DCAF12: variants seen among roughly 807,000 people sequenced by gnomAD.
DCAF12 encodes the protein DDB1 and CUL4 associated factor 12.
A neutral mutation model predicts 52.8 loss-of-function variants in DCAF12; 28 were observed. That is an observed-to-expected ratio of 0.53 (90% CI 0.39 to 0.73). The LOEUF (loss-of-function observed/expected upper bound fraction) is 0.73, where lower values mean the gene tolerates loss of function less well. DCAF12 is among the 30% of genes least tolerant of loss of function. The pLI is 0.00. For synonymous variants in DCAF12, 196 were observed against 215.5 expected (o/e 0.91, Z 0.79); for missense variants, 425 against 552.2 (o/e 0.77, Z 2.31).
chr9:34,097,256 C>CTTTTTTT (rs999860045), intron 5 of DCAF12, among the ~76,000 whole-genome samples: 2 of 94,854 alleles, frequency 2.1e-5, no homozygotes, highest in Admixed American at 1.3e-4. Context: ...TCTGACACTG[C>CTTTTTTT]TTTTTTTTTT....
chr9:34,096,088 G>C (rs1386201508), intron 6 of DCAF12: 1 of 152,232 alleles, frequency 6.6e-6, no homozygotes. Context: ...AGGTGCAATG[G>C]TTCATGCCTG....
At position 34,125,050 on chromosome 9, in the gene DCAF12, T is replaced by A; in HGVS notation, c.306A>T (p.Gln102His). The change falls in exon 2 of 9, where the codon CAA (glutamine) becomes CAT (histidine). Residue 102 changes from glutamine (Q) to histidine (H), a missense_variant. Coordinates refer to ENST00000361264, the MANE Select transcript of DCAF12 (RefSeq NM_015397.4). ...VFASQWLNHR[Q>H]VVCGTKCNTL... ...TGTTGCATTTTGTGCCACACACCAC[T>A]TGCCTATGATTCAACCACTGAGATG... 1.2e-6 allele frequency: 2 copies of A among 1,613,534 alleles called. No homozygotes were observed. The highest frequency in any genetic ancestry group is 1.7e-6 in the Non-Finnish European group (2 of 1,180,014).
In DCAF12 at chr9:34,093,277, G is replaced by T. The variant is rs568707808; in HGVS notation, c.1024+9C>A. The stretch of plus-strand genomic sequence containing the variant: ...GCTGTAGGCCTGAGGTGCACACAGG[G>T]ACTCTTACCACTGCCTCGCTCCCTG... On this transcript the variant is annotated intron_variant, in intron 7 of 8. Transcript: ENST00000361264. 22 of 1,614,098 alleles carry T rather than the reference G, an allele frequency of 1.4e-5. No homozygotes were observed. Among genetic ancestry groups the T allele is most frequent in the African/African-American group, 1.3e-4 (10 of 75,050 alleles).
chr9:34,121,196 A>G (rs1014031188), intron 2 of DCAF12, among the ~76,000 whole-genome samples: 1 of 152,096 alleles, frequency 6.6e-6, no homozygotes, highest in African/African-American at 2.4e-5. Context: ...AACACTGACT[A>G]AACCACAAAA....
At chr9:34,116,838 G>A (rs148833546) in intron 2 of DCAF12, among the ~76,000 whole-genome samples, 68 of 152,232 alleles carry the variant, frequency 4.5e-4, no homozygotes, top group African/African-American at 1.4e-3. Flanking sequence ...TAAATTAGCC[G>A]GGCACAGTGA....
At position 34,088,471 on chromosome 9, in the gene DCAF12, A is replaced by G. The variant is rs368793595; in HGVS notation, c.1241T>C (p.Ile414Thr). ...GTAAACAGCATTGGGGAAGAAGTCA[A>G]TGTCTGAAAAGTAATTCCTCCAGGT... ...DETWRNYFSD[I>T]DFFPNAVYTH... Residue 414 changes from isoleucine (I) to threonine (T), a missense_variant, in exon 9 of 9, where the codon ATT becomes ACT. Around this residue, in one of 3 missense-constraint regions of DCAF12, gnomAD observed 328 missense variants for 444.4 expected, o/e 0.74. Transcript: ENST00000361264. 1.1e-5 allele frequency: 17 copies of G among 1,614,200 alleles called. No homozygotes were observed. The highest frequency in any genetic ancestry group is 2.2e-5 in the East Asian group (1 of 44,886).
chr9:34,111,735 C>T lies in DCAF12; in HGVS notation c.334-4170G>A, dbSNP rs551612485. Among the ~76,000 whole-genome samples, 87 of 152,282 alleles carry T rather than the reference C, an allele frequency of 5.7e-4. 2 individuals are homozygous for T. In the South Asian group the frequency reaches 0.018, roughly 32 times the overall value. ...GTCCAAAGGCTAGATTGGACTAGGC[C>T]ATTCAGATTCTTTAGGGAATATGTA... On this transcript the variant is annotated intron_variant, in intron 2 of 8. Transcript: ENST00000361264.
chr9:34,103,920 T>A (rs1311827783), intron 4 of DCAF12, among the ~76,000 whole-genome samples: 1 of 152,098 alleles, frequency 6.6e-6, no homozygotes, highest in Non-Finnish European at 1.5e-5. Context: ...CAGTTCTCCT[T>A]TGAGACCAAG....
rs191028013 is a variant in DCAF12 at position 34,102,261 on chromosome 9, C to G, written c.602-3744G>C. 9.5e-4 allele frequency among the ~76,000 whole-genome samples: 141 copies of G among 147,844 alleles called. 3 individuals carry two copies. In the East Asian group the frequency reaches 0.025, roughly 26 times the overall value. On this transcript the variant is annotated intron_variant, in intron 4 of 8. Transcript: ENST00000361264. ...GCTGGGATCACACCAACAGTCTGGG[C>G]AACAGAGTAAGACCCTGCCTCCAAA... is the stretch of plus-strand genomic sequence containing the variant.
intron 7 of DCAF12, chr9:34,089,827 A>C (rs1489663147): frequency 2.6e-6 from 1 of 391,180 alleles, no homozygotes; most frequent in East Asian, 4.0e-5. Context: ...AAGCCTTGGA[A>C]AAGTGTCAGA....
At chr9:34,093,138 C>G in intron 7 of DCAF12, 148 bp downstream of exon 7, 2 of 1,028,348 alleles carry the variant, frequency 1.9e-6, no homozygotes, top group Admixed American at 2.6e-5. Flanking sequence ...CGTAAGCCAC[C>G]ACGCCTAGCC....
At chr9:34,090,265 T>A (rs889226661) in intron 7 of DCAF12, among the ~76,000 whole-genome samples, 18 of 152,136 alleles carry the variant, frequency 1.2e-4, no homozygotes, top group Admixed American at 1.2e-3. Flanking sequence ...GGTTTCACCA[T>A]GTTGGCCAGG....
intron 4 of DCAF12, among the ~76,000 whole-genome samples, chr9:34,100,499 C>CT (rs540489235): frequency 0.1 from 13,603 of 134,124 alleles, 784 homozygotes; most frequent in Non-Finnish European, 0.13. Flanking sequence ...CGCCCAGCTT[C>CT]TTTTTTTTTT....
Position 34,088,195 on chromosome 9 carries a change from A to AGAG in DCAF12, c.*152_*154dup. 1 of 698,124 alleles carries AGAG rather than the reference A, an allele frequency of 1.4e-6. No homozygotes were observed. Among genetic ancestry groups the AGAG allele is most frequent in the Non-Finnish European group, 2.2e-6 (1 of 453,756 alleles). 43.2% of individuals were successfully genotyped at this position (698,124 alleles called of 1,614,324 possible). A position where few individuals can be genotyped will look rare whatever the true frequency, so the allele number is the denominator to read the frequency against. On this transcript the variant is annotated 3_prime_UTR_variant, in exon 9 of 9. Coordinates refer to ENST00000361264, the MANE Select transcript of DCAF12 (RefSeq NM_015397.4). ...CAAAACAACTTTCAGATTTCTGTAC[A>AGAG]GAGCTTCTTCCTATTAAGTGCCTAA...
rs537544651 is a variant in DCAF12 at position 34,120,599 on chromosome 9, G to A, written c.333+4424C>T. Among the ~76,000 whole-genome samples, 6 of 150,870 alleles carry A rather than the reference G, an allele frequency of 4.0e-5. No homozygotes were observed. In the East Asian group the frequency reaches 9.7e-4, roughly 25 times the overall value. ...GGCACAAGAATCGCTTGAACCCGGA[G>A]GCAAAGGTTACAGTGAGCCAAGATC... On this transcript the variant is annotated intron_variant, in intron 2 of 8. Coordinates refer to ENST00000361264, the MANE Select transcript of DCAF12 (RefSeq NM_015397.4).
intron 2 of DCAF12, among the ~76,000 whole-genome samples, chr9:34,111,018 CT>C (rs1471547416): frequency 7.5e-6 from 1 of 132,750 alleles, no homozygotes; most frequent in Non-Finnish European, 1.6e-5. Context: ...CCAAGTCTTG[CT>C]CTGTCGCCCA....
At chr9:34,122,277 G>C (rs1218982672) in intron 2 of DCAF12, among the ~76,000 whole-genome samples, 1 of 152,104 alleles carries the variant, frequency 6.6e-6, no homozygotes, top group Non-Finnish European at 1.5e-5. Context: ...AGGAATGCCT[G>C]CTCTCTACTG....
intron 2 of DCAF12, among the ~76,000 whole-genome samples, chr9:34,108,804 A>AAAAAT (rs1410904584): frequency 0.012 from 1,363 of 117,884 alleles, 16 homozygotes; most frequent in Non-Finnish European, 0.017. Flanking sequence ...AAAAAAAATA[A>AAAAAT]ATAAATAAAT....
At chr9:34,122,931 G>A (rs1018946826) in intron 2 of DCAF12, among the ~76,000 whole-genome samples, 1 of 152,152 alleles carries the variant, frequency 6.6e-6, no homozygotes. Flanking sequence ...GTCTGGCTCC[G>A]CAGCCAATCT....
Sources: allele counts gnomAD v4.1 joint callset (sites outside exome capture counted in the v4.1 genomes callset), GRCh38; gene constraint gnomAD v4.1.1; regional missense constraint gnomAD v4.1.1; transcripts MANE v1.5; gene names NCBI Gene and HGNC (gene_info 2026-07-23, HGNC 2026-07-21).